The following PIP5K1C variants were observed in gnomAD, a reference collection of about 807,000 sequenced individuals.
PIP5K1C encodes phosphatidylinositol 4-phosphate 5-kinase type-1 gamma.
Under a neutral mutation model 80.1 loss-of-function variants are expected in PIP5K1C, and 45 were observed. That is an observed-to-expected ratio of 0.56 (90% confidence interval 0.44 to 0.72). The LOEUF (loss-of-function observed/expected upper bound fraction) is 0.72. Ranked by LOEUF, PIP5K1C falls within the 30% of genes least tolerant of loss-of-function variation. The pLI is 0.00. For synonymous variants in PIP5K1C, 498 were observed against 420.1 expected (o/e 1.19, Z -2.27); for missense variants, 753 against 954.6 (o/e 0.79, Z 2.78).
intron 3 of PIP5K1C, among the ~76,000 whole-genome samples, 181 bp from the exon 4 acceptor site, chr19:3,662,182 C>CG (rs1278353766): frequency 2.6e-5 from 4 of 152,276 alleles, no homozygotes; most frequent in African/African-American, 9.6e-5. Context: ...GACATCAGGC[C>CG]GGGGGATGAA....
chr19:3,688,474 A>C lies in PIP5K1C; in HGVS notation c.94+11823T>G, dbSNP rs2145600603. ...GGCAGCACCCCCAGGACTCTGGGGC[A>C]CACACGTCCCCAGGCAGCTCCGGTG... On this transcript the variant is annotated intron_variant, in intron 1 of 17. Transcript: ENST00000335312. The surrounding 1 kb of genome is among the most constrained non-coding windows in gnomAD (Gnocchi z 5.3). Among the ~76,000 whole-genome samples the C allele has an allele frequency of 6.6e-6, 1 of 152,132 alleles. No individual in the cohort carries two copies. Among genetic ancestry groups the C allele is most frequent in the East Asian group, 1.9e-4 (1 of 5,148 alleles).
intron 1 of PIP5K1C, among the ~76,000 whole-genome samples, chr19:3,699,319 GTCTT>G (rs937517044): frequency 2.7e-5 from 4 of 146,070 alleles, no homozygotes; most frequent in African/African-American, 1.0e-4. Context: ...AGCCACGAGT[GTCTT>G]TCAAGGCGGG....
rs1013846122 is a variant in PIP5K1C at position 3,695,044 on chromosome 19, A to C, written c.94+5253T>G. ...AAATGGTGTGGCCGTTGCCAATAAA[A>C]CTTTGTTGACAAGAAGCGGCATGGA... On this transcript the variant is annotated intron_variant, in intron 1 of 17. Coordinates refer to ENST00000335312, the MANE Select transcript of PIP5K1C (RefSeq NM_012398.3). Among the ~76,000 whole-genome samples, 21 of 152,188 alleles carry C rather than the reference A, an allele frequency of 1.4e-4. 1 individual carries two copies. The highest frequency in any genetic ancestry group is 4.8e-4 in the African/African-American group (20 of 41,436).
At chr19:3,647,516 C>T in intron 9 of PIP5K1C, 130 bp from the exon 10 acceptor site, 1 of 790,174 alleles carries the variant, frequency 1.3e-6, no homozygotes, top group Non-Finnish European at 2.1e-6. Context: ...TGTCAAAACT[C>T]AGGGTGGCAG....
At chr19:3,676,822 G>A (rs908675445) in intron 1 of PIP5K1C, among the ~76,000 whole-genome samples, 3 of 152,206 alleles carry the variant, frequency 2.0e-5, no homozygotes, top group African/African-American at 7.2e-5. Flanking sequence ...ACTTTAAAAA[G>A]AAATATAAGA....
At chr19:3,662,715 G>A (rs1165123950) in intron 3 of PIP5K1C, among the ~76,000 whole-genome samples, 8 of 151,946 alleles carry the variant, frequency 5.3e-5, no homozygotes, top group South Asian at 2.1e-4. Context: ...ATAGGTGCGC[G>A]CCGTCACGCC....
At chr19:3,687,293 C>A (rs570131911) in intron 1 of PIP5K1C, among the ~76,000 whole-genome samples, 2 of 152,030 alleles carry the variant, frequency 1.3e-5, no homozygotes, top group African/African-American at 4.8e-5. Flanking sequence ...ACCTGGGAGG[C>A]GGAGGTTGCA....
intron 17 of PIP5K1C, 89 bp downstream of exon 17, chr19:3,633,348 C>T (rs2033528478): frequency 1.9e-6 from 2 of 1,073,196 alleles, no homozygotes; most frequent in South Asian, 1.7e-5. Flanking sequence ...CCCCGGGCCT[C>T]AGTCCCTGCC....
chr19:3,698,815 G>A (rs989436009), intron 1 of PIP5K1C, among the ~76,000 whole-genome samples: 1 of 152,142 alleles, frequency 6.6e-6, no homozygotes, highest in African/African-American at 2.4e-5. Context: ...TTGGAGGAGT[G>A]AGGCAACTCT....
chr19:3,678,921 G>A (rs1276193306), intron 1 of PIP5K1C, among the ~76,000 whole-genome samples: 2 of 143,946 alleles, frequency 1.4e-5, no homozygotes, highest in Non-Finnish European at 3.1e-5. Flanking sequence ...GGGATGGAGG[G>A]ATGGAGGAGT....
In PIP5K1C at chr19:3,641,789, G is replaced by A. The variant is rs115654072; in HGVS notation, c.1703C>T (p.Ala568Val). Residue 568 changes from alanine to valine, a missense_variant, in exon 15 of 18, where the codon GCG (alanine) becomes GTG (valine). Physicochemically the swap from Ala to Val is moderately conservative, Grantham distance 64. This residue lies in a region of PIP5K1C where 315 missense variants were observed against 294.5 expected (regional missense o/e 1.07). Coordinates refer to ENST00000335312, the MANE Select transcript of PIP5K1C (RefSeq NM_012398.3). ...QDGRPQEEPP[A>V]EEDLQQITVQ... ...TGTAATCTGCTGCAGATCCTCTTCC[G>A]CGGGTGGCTCCTCCTGCGGCCTGCA... 2.6e-4 allele frequency: 413 copies of A among 1,611,982 alleles called. 2 individuals carry two copies. In the African/African-American group the frequency reaches 3.9e-3, roughly 15 times the overall value.
intron 10 of PIP5K1C, among the ~76,000 whole-genome samples, chr19:3,646,304 T>C (rs946795771): frequency 8.6e-5 from 13 of 151,992 alleles, no homozygotes; most frequent in African/African-American, 3.1e-4. Context: ...CTGTTAGCAT[T>C]TTTGACTTTT....
chr19:3,636,476 C>T, intron 16 of PIP5K1C: 1 of 985,624 alleles, frequency 1.0e-6, no homozygotes, highest in African/African-American at 1.7e-5. Flanking sequence ...AAAGTCCAAG[C>T]ACCCCCCTCC....
chr19:3,654,138 A>G (rs149027197), intron 6 of PIP5K1C, among the ~76,000 whole-genome samples: 1 of 152,118 alleles, frequency 6.6e-6, no homozygotes, highest in Non-Finnish European at 1.5e-5. Context: ...AAGTGCCAGG[A>G]CTCCAGGCGT....
At chr19:3,646,175 G>T in intron 10 of PIP5K1C, 117 bp from the exon 11 acceptor site, 1 of 715,468 alleles carries the variant, frequency 1.4e-6, no homozygotes, top group Non-Finnish European at 2.6e-6. Flanking sequence ...GAAAAGGCTC[G>T]AGATGGGTCC....
chr19:3,639,295 T>C (rs1221207859), intron 15 of PIP5K1C, among the ~76,000 whole-genome samples: 1 of 152,176 alleles, frequency 6.6e-6, no homozygotes, highest in Non-Finnish European at 1.5e-5. Flanking sequence ...CACACACACC[T>C]GTGGGCACGT....
At chr19:3,687,527 A>ACACG (rs1468107383) in intron 1 of PIP5K1C, among the ~76,000 whole-genome samples, 3 of 130,014 alleles carry the variant, frequency 2.3e-5, no homozygotes, top group Non-Finnish European at 5.1e-5. Context: ...GCACACATGC[A>ACACG]CACGCACACA....
chr19:3,697,198 G>A (rs1285811055), intron 1 of PIP5K1C, among the ~76,000 whole-genome samples: 6 of 151,490 alleles, frequency 4.0e-5, no homozygotes, highest in Non-Finnish European at 5.9e-5. Context: ...GGAGGACTGA[G>A]CCGGATGGAG....
At position 3,642,914 on chromosome 19, in the gene PIP5K1C, C is replaced by T. The variant is rs1235063251; in HGVS notation, c.1675G>A (p.Asp559Asn). Reference protein sequence around the residue: ...YRRRTQSSGQDGRPQEEPPAE... With the variant: ...YRRRTQSSGQNGRPQEEPPAE... ...AAGGGGGTTGGGTCTCACCTGCCAT[C>T]CTGTCCAGACGACTGTGTGCGCCGC... Residue 559 changes from aspartate to asparagine, a missense_variant, in exon 14 of 18, where the codon GAT becomes AAT. By Grantham distance (23) the Asp-to-Asn change is conservative (BLOSUM62 1). Coordinates refer to ENST00000335312, the MANE Select transcript of PIP5K1C (RefSeq NM_012398.3). 1 of 1,613,468 alleles carries T rather than the reference C, an allele frequency of 6.2e-7. No homozygotes were observed. The highest frequency in any genetic ancestry group is 1.3e-5 in the African/African-American group (1 of 74,950).
Sources: gnomAD v4.1 joint callset for allele counts (sites outside exome capture counted in the v4.1 genomes callset) on GRCh38, gnomAD v4.1.1 for gene constraint, gnomAD v4.1.1 regional missense constraint, Gnocchi (gnomAD v3.1) non-coding constraint, MANE v1.5 for transcripts, NCBI Gene and HGNC (gene_info 2026-07-23, HGNC 2026-07-21) for gene names.